The following C8orf34 variants were observed in gnomAD, a reference collection of about 807,000 sequenced individuals.
The protein encoded by C8orf34 is chromosome 8 open reading frame 34.
In C8orf34, 65 loss-of-function variants were observed where a neutral mutation model predicts 68.3. The ratio of observed to expected loss-of-function variants is 0.95; its 90% CI spans 0.78 to 1.17. The LOEUF is 1.17. Ranked by LOEUF, C8orf34 falls within the 50% of genes most tolerant of loss-of-function variation. The pLI, the probability that C8orf34 is intolerant of heterozygous loss-of-function variation, is 0.00. For missense variants in C8orf34, 664 were observed against 655.4 expected (o/e 1.01, Z -0.14); for synonymous variants, 244 against 241.2 (o/e 1.01, Z -0.11).
intron 7 of C8orf34, among the ~76,000 whole-genome samples, chr8:68,581,115 A>G (rs1025090625): frequency 5.3e-5 from 8 of 152,170 alleles, no homozygotes; most frequent in African/African-American, 1.9e-4. Context: ...AATAAGTGTT[A>G]TGGGACACGA....
chr8:68,337,603 T>C (rs946781694), intron 1 of C8orf34, among the ~76,000 whole-genome samples: 4 of 152,344 alleles, frequency 2.6e-5, no homozygotes, highest in African/African-American at 9.6e-5. Flanking sequence ...GTATTGTTCC[T>C]ATACTTTTTC....
At chr8:68,564,842 A>G (rs996756375) in intron 7 of C8orf34, among the ~76,000 whole-genome samples, 39 of 152,092 alleles carry the variant, frequency 2.6e-4, no homozygotes, top group African/African-American at 9.2e-4. Flanking sequence ...TGAGAGAGAG[A>G]GTTAAATTTT....
chr8:68,465,136 C>T (rs1239695525), intron 3 of C8orf34, among the ~76,000 whole-genome samples: 1 of 152,034 alleles, frequency 6.6e-6, no homozygotes, highest in Non-Finnish European at 1.5e-5. Context: ...AAAAAGTGGG[C>T]AAAGGACATG....
chr8:68,763,643 C>A (rs962875954), intron 10 of C8orf34, among the ~76,000 whole-genome samples: 1 of 152,078 alleles, frequency 6.6e-6, no homozygotes, highest in South Asian at 2.1e-4. Flanking sequence ...TCCCCGATCC[C>A]GTCATTTTGA....
At chr8:68,660,444 G>A (rs771734545) in intron 8 of C8orf34, among the ~76,000 whole-genome samples, 8 of 152,188 alleles carry the variant, frequency 5.3e-5, no homozygotes, top group Non-Finnish European at 1.0e-4. Context: ...GGGGTCTGGA[G>A]GGTGAGAATT....
At chr8:68,396,888 G>A (rs1303188796) in intron 1 of C8orf34, among the ~76,000 whole-genome samples, 1 of 151,892 alleles carries the variant, frequency 6.6e-6, no homozygotes, top group Non-Finnish European at 1.5e-5. Context: ...TATACAGCCT[G>A]CAGAACTGTG....
At chr8:68,434,734 T>C (rs894172374) in intron 1 of C8orf34, among the ~76,000 whole-genome samples, 3 of 152,054 alleles carry the variant, frequency 2.0e-5, no homozygotes, top group Non-Finnish European at 2.9e-5. Context: ...AAGATTCTAG[T>C]TGATAAAAAA....
chr8:68,714,661 G>T (rs1355384808), intron 9 of C8orf34, among the ~76,000 whole-genome samples: 1 of 152,134 alleles, frequency 6.6e-6, no homozygotes. Context: ...CATATTCATG[G>T]ATGGGTAGAA....
chr8:68,573,906 A>G (rs945734114), intron 7 of C8orf34, among the ~76,000 whole-genome samples: 1 of 152,202 alleles, frequency 6.6e-6, no homozygotes, highest in Non-Finnish European at 1.5e-5. Context: ...TCCTTAAAAA[A>G]TATCTATGGT....
intron 7 of C8orf34, among the ~76,000 whole-genome samples, chr8:68,570,267 T>C (rs1816723549): frequency 6.6e-6 from 1 of 152,204 alleles, no homozygotes; most frequent in African/African-American, 2.4e-5. Flanking sequence ...TGTTTCCATA[T>C]ATATTTGCAA....
chr8:68,510,138 G>A (rs2129633246), intron 5 of C8orf34, among the ~76,000 whole-genome samples: 1 of 152,108 alleles, frequency 6.6e-6, no homozygotes, highest in East Asian at 1.9e-4. Context: ...GCTTGGAATT[G>A]AGTCTGGGAC....
At chr8:68,576,572 A>G (rs1297654970) in intron 7 of C8orf34, among the ~76,000 whole-genome samples, 1 of 149,210 alleles carries the variant, frequency 6.7e-6, no homozygotes, top group Admixed American at 6.6e-5. Context: ...CTTTCTTTGG[A>G]TTTGTATTTG....
At position 68,332,925 on chromosome 8, in the gene C8orf34, AT is replaced by A. The variant is rs559122615; in HGVS notation, c.327+1593del. Among the ~76,000 whole-genome samples, 105 of 152,274 alleles carry A rather than the reference AT, an allele frequency of 6.9e-4. 1 individual carries two copies. The South Asian group carries it at 0.021, about 30-fold the overall frequency. On this transcript the variant is annotated intron_variant, in intron 1 of 13. Coordinates refer to ENST00000518698, the MANE Select transcript of C8orf34 (RefSeq NM_052958.4). ...TATTGATTATACATAATCCTATATA[AT>A]TTTTTTAAAGGCAGAAGCCTAAAAC... is the stretch of plus-strand genomic sequence containing the variant.
intron 10 of C8orf34, among the ~76,000 whole-genome samples, chr8:68,766,947 G>A (rs549844588): frequency 3.4e-4 from 52 of 152,286 alleles, no homozygotes; most frequent in Middle Eastern, 3.4e-3. Flanking sequence ...ACTTTGGGAG[G>A]CTGAGGTGTG....
chr8:68,759,095 C>T (rs984094307), intron 10 of C8orf34, among the ~76,000 whole-genome samples: 2 of 152,094 alleles, frequency 1.3e-5, no homozygotes, highest in Admixed American at 6.6e-5. Flanking sequence ...CACAAACACA[C>T]ACACATATGA....
intron 10 of C8orf34, among the ~76,000 whole-genome samples, chr8:68,774,327 G>GTATATATATATATATATATATATA (rs1332535200): frequency 0.031 from 2,930 of 94,532 alleles, 190 homozygotes; most frequent in African/African-American, 0.046. Flanking sequence ...ATATGGGTGT[G>GTATATATATATATATATATATATA]TGTGTATATA....
intron 1 of C8orf34, among the ~76,000 whole-genome samples, chr8:68,347,463 C>T (rs747029716): frequency 2.6e-5 from 4 of 151,994 alleles, no homozygotes; most frequent in Non-Finnish European, 5.9e-5. Flanking sequence ...GATTTCTATT[C>T]CTCTGGCCAT....
chr8:68,580,855 G>T (rs1300956969), intron 7 of C8orf34, among the ~76,000 whole-genome samples: 1 of 152,096 alleles, frequency 6.6e-6, no homozygotes, highest in South Asian at 2.1e-4. Context: ...ACTTTGTTGA[G>T]ATCAGAAAGG....
In C8orf34 at chr8:68,533,036, A is replaced by G. The variant is rs201969530; in HGVS notation, c.992A>G (p.Lys331Arg). The change falls in exon 7 of 14, where the codon AAG becomes AGG. Residue 331 changes from lysine (K) to arginine (R), a missense_variant. Transcript: ENST00000518698. The stretch of plus-strand genomic sequence containing the variant: ...TTAAAACAGCAGCAACAGCAACATA[A>G]GAAACTCCTGGCCGCAATGCTCTCT... ...KGLKQQQQQH[K>R]KLLAAMLSQD... The G allele has an allele frequency of 4.0e-5, 65 of 1,611,090 alleles. No homozygotes were observed. The highest frequency in any genetic ancestry group is 5.2e-5 in the Non-Finnish European group (61 of 1,177,628).
Sources: gnomAD v4.1 joint callset for allele counts (sites outside exome capture counted in the v4.1 genomes callset) on GRCh38, gnomAD v4.1.1 for gene constraint, MANE v1.5 for transcripts, NCBI Gene and HGNC (gene_info 2026-07-23, HGNC 2026-07-21) for gene names.